ROBO1: variants seen among roughly 807,000 people sequenced by gnomAD.
The protein encoded by ROBO1 is roundabout homolog 1.
ROBO1 carries 149 observed loss-of-function variants against 195.9 expected under a neutral mutation model. That is an observed-to-expected ratio of 0.76 (90% confidence interval 0.67 to 0.87). The LOEUF (loss-of-function observed/expected upper bound fraction) is 0.87. ROBO1 is among the 40% of genes least tolerant of loss of function. The probability of loss-of-function intolerance (pLI) is 0.00; values close to 1 mark genes in which losing one functional copy is unlikely to be tolerated. For synonymous variants in ROBO1, 816 were observed against 733.2 expected, an observed-to-expected ratio of 1.11 and a Z score of -1.82; for missense variants, 1,933 against 2,068.3, an observed-to-expected ratio of 0.93 and a Z score of 1.27.
At chr3:78,845,986 G>A (rs2033643148) in intron 4 of ROBO1, among the ~76,000 whole-genome samples, 1 of 152,050 alleles carries the variant, frequency 6.6e-6, no homozygotes, top group African/African-American at 2.4e-5. Flanking sequence ...CTGAAACATT[G>A]AAACCTGGTT....
At chr3:79,354,095 T>C (rs1000873116) in intron 2 of ROBO1, among the ~76,000 whole-genome samples, 1 of 151,928 alleles carries the variant, frequency 6.6e-6, no homozygotes, top group Non-Finnish European at 1.5e-5. Context: ...GGAAGGGCAC[T>C]ATACTACTGT....
intron 3 of ROBO1, among the ~76,000 whole-genome samples, chr3:79,009,353 T>C (rs1204506529): frequency 2.0e-5 from 3 of 152,036 alleles, no homozygotes; most frequent in Admixed American, 6.5e-5. Flanking sequence ...TGGTATAGTG[T>C]AAGAAACTGG....
At chr3:79,110,314 G>C (rs2079862834) in intron 3 of ROBO1, among the ~76,000 whole-genome samples, 1 of 151,918 alleles carries the variant, frequency 6.6e-6, no homozygotes, top group Admixed American at 6.6e-5. Context: ...TGACAACTTG[G>C]AAGCTCAGAC....
intron 2 of ROBO1, among the ~76,000 whole-genome samples, chr3:79,346,036 T>C (rs988050267): frequency 6.6e-6 from 1 of 152,150 alleles, no homozygotes; most frequent in Non-Finnish European, 1.5e-5. Context: ...AGGTCAAGAA[T>C]AATTTCTGAG....
intron 2 of ROBO1, among the ~76,000 whole-genome samples, chr3:79,400,247 T>C (rs540737923): frequency 8.5e-5 from 13 of 152,122 alleles, no homozygotes; most frequent in South Asian, 2.1e-4. Context: ...TCTATCAATT[T>C]CCTGAGTCAC....
intron 8 of ROBO1, among the ~76,000 whole-genome samples, chr3:78,706,496 T>C (rs2081555117): frequency 6.6e-6 from 1 of 152,024 alleles, no homozygotes; most frequent in Non-Finnish European, 1.5e-5. Context: ...TAAAACTCTT[T>C]TTTAAAATTA....
chr3:79,732,151 A>T (rs930479725), intron 1 of ROBO1, among the ~76,000 whole-genome samples: 1 of 151,962 alleles, frequency 6.6e-6, no homozygotes, highest in East Asian at 1.9e-4. Context: ...GCATTCATAA[A>T]TATTTGTGTA....
At chr3:79,752,047 T>G (rs1704150944) in intron 1 of ROBO1, among the ~76,000 whole-genome samples, 1 of 152,160 alleles carries the variant, frequency 6.6e-6, no homozygotes, top group East Asian at 1.9e-4. Flanking sequence ...AGGGTATTTT[T>G]ATTTGAAAAG....
In ROBO1 at chr3:78,782,286, T is replaced by G. The variant is rs534842847; in HGVS notation, c.500-35386A>C. Among the ~76,000 whole-genome samples, 80 of 152,124 alleles carry G rather than the reference T, an allele frequency of 5.3e-4. No homozygotes were observed. The South Asian group carries it at 0.015, about 29-fold the overall frequency. ...GTCTCAGCTCTCTGTAACCTGTGCC[T>G]CCTAGGTTTAAGCGATTCTCTTGAC... is the stretch of plus-strand genomic sequence containing the variant. On this transcript the variant is annotated intron_variant, in intron 4 of 30. Transcript: ENST00000464233.
chr3:78,887,076 A>G (rs1006564770), intron 4 of ROBO1, among the ~76,000 whole-genome samples: 90 of 152,200 alleles, frequency 5.9e-4, no homozygotes, highest in Non-Finnish European at 9.4e-4. Context: ...TATTTTGACC[A>G]CCTTATTATG....
chr3:79,320,279 C>T (rs1255774546), intron 2 of ROBO1, among the ~76,000 whole-genome samples: 1 of 152,114 alleles, frequency 6.6e-6, no homozygotes, highest in African/African-American at 2.4e-5. Context: ...GTGCGAATCC[C>T]ATCCATGAGG....
At chr3:78,712,212 A>G (rs962312862) in intron 8 of ROBO1, among the ~76,000 whole-genome samples, 1 of 152,078 alleles carries the variant, frequency 6.6e-6, no homozygotes, top group Non-Finnish European at 1.5e-5. Flanking sequence ...TTAAATACTC[A>G]TTGTATGAGA....
intron 2 of ROBO1, among the ~76,000 whole-genome samples, chr3:79,587,689 T>G (rs1334206620): frequency 6.6e-6 from 1 of 151,848 alleles, no homozygotes; most frequent in South Asian, 2.1e-4. Flanking sequence ...CTCTGAGATA[T>G]GCTCAATTCA....
chr3:79,642,158 A>G (rs1277506187), intron 1 of ROBO1, among the ~76,000 whole-genome samples: 1 of 152,208 alleles, frequency 6.6e-6, no homozygotes, highest in Non-Finnish European at 1.5e-5. Context: ...GAGGCTTACA[A>G]CAGCAGAATG....
chr3:79,365,347 C>T (rs1200776404), intron 2 of ROBO1, among the ~76,000 whole-genome samples: 4 of 152,158 alleles, frequency 2.6e-5, no homozygotes, highest in African/African-American at 7.2e-5. Flanking sequence ...CGTATACTAA[C>T]GTCATGTCAG....
chr3:79,573,637 C>T (rs1306454234), intron 2 of ROBO1, among the ~76,000 whole-genome samples: 3 of 152,072 alleles, frequency 2.0e-5, no homozygotes, highest in East Asian at 1.9e-4. Context: ...GTGAAATTAT[C>T]GATGGTTTAA....
chr3:79,441,631 G>C (rs992466697), intron 2 of ROBO1, among the ~76,000 whole-genome samples: 1 of 151,870 alleles, frequency 6.6e-6, no homozygotes, highest in African/African-American at 2.4e-5. Context: ...ACTTCATCTT[G>C]AATTTCTATC....
chr3:79,302,486 ACT>A (rs930534907), intron 2 of ROBO1, among the ~76,000 whole-genome samples: 1 of 152,176 alleles, frequency 6.6e-6, no homozygotes, highest in African/African-American at 2.4e-5. Flanking sequence ...CTAATTTGGA[ACT>A]CTGTTATTTT....
intron 2 of ROBO1, among the ~76,000 whole-genome samples, chr3:79,419,234 C>G (rs1355783682): frequency 6.6e-6 from 1 of 152,098 alleles, no homozygotes; most frequent in Non-Finnish European, 1.5e-5. Context: ...AAGAACAGTA[C>G]AGTATCAGCA....
Sources: allele counts gnomAD v4.1 joint callset (sites outside exome capture counted in the v4.1 genomes callset), GRCh38; gene constraint gnomAD v4.1.1; transcripts MANE v1.5; gene names NCBI Gene and HGNC (gene_info 2026-07-23, HGNC 2026-07-21).